The following BBS12 variants were observed in gnomAD, a reference collection of about 807,000 sequenced individuals.
BBS12 encodes the protein Bardet-Biedl syndrome 12, also known as chaperonin-containing T-complex member BBS12.
BBS12 carries 5 observed loss-of-function variants against 5.6 expected under a neutral mutation model. That is an observed-to-expected ratio of 0.89 (90% CI 0.46 to 1.86). BBS12 has a LOEUF of 1.86. Ranked by LOEUF, BBS12 falls within the 40% of genes most tolerant of loss-of-function variation. The probability of loss-of-function intolerance (pLI) is 0.01; values close to 1 mark genes in which losing one functional copy is unlikely to be tolerated. For synonymous variants in BBS12, 308 were observed against 306.8 expected (o/e 1.00, Z -0.04); for missense variants, 748 against 830.4 (o/e 0.90, Z 1.22).
the BBS12 span, among the ~76,000 whole-genome samples, chr4:122,719,254 G>GT: frequency 6.6e-6 from 1 of 152,082 alleles, no homozygotes; most frequent in Admixed American, 6.5e-5. Context: ...CTAGCTAAAG[G>GT]TTTGTAAATG....
Position 122,743,823 on chromosome 4 carries a change from ATAG to A in BBS12, c.1935_1937del (p.Ser645del), listed in dbSNP as rs758008862. 3.9e-5 allele frequency: 63 copies of A among 1,607,704 alleles called. 1 individual carries two copies. In the South Asian group the frequency reaches 6.7e-4, roughly 17 times the overall value. ...ATCTTGAATGAATATAGTAAACTAA[ATAG>A]TAGAATTTTTAATTCAGACATTTCA... On this transcript the variant is annotated inframe_deletion, in exon 2 of 2. Coordinates refer to ENST00000314218, the MANE Select transcript of BBS12 (RefSeq NM_152618.3).
chr4:122,740,884 C>G (rs551914365), intron 1 of BBS12, among the ~76,000 whole-genome samples: 25 of 152,236 alleles, frequency 1.6e-4, no homozygotes, highest in Non-Finnish European at 2.5e-4. Flanking sequence ...GAAATAGCTT[C>G]TATTATTATC....
the BBS12 span, among the ~76,000 whole-genome samples, chr4:122,704,143 C>A: frequency 2.0e-5 from 3 of 152,218 alleles, no homozygotes; most frequent in Non-Finnish European, 2.9e-5. Flanking sequence ...AGTCACCATG[C>A]CTGGCCAGGT....
intron 1 of BBS12, among the ~76,000 whole-genome samples, chr4:122,736,210 C>G (rs568478436): frequency 6.6e-6 from 1 of 152,178 alleles, no homozygotes; most frequent in East Asian, 1.9e-4. Flanking sequence ...ATGGGTAGGC[C>G]TTGCAAGATT....
the BBS12 span, among the ~76,000 whole-genome samples, chr4:122,711,047 C>A: frequency 6.6e-6 from 1 of 152,130 alleles, no homozygotes; most frequent in Admixed American, 6.6e-5. Context: ...GATTGTTTAA[C>A]TCAGTCTGAA....
the BBS12 span, among the ~76,000 whole-genome samples, chr4:122,709,679 G>C: frequency 4.7e-4 from 72 of 151,998 alleles, no homozygotes; most frequent in Non-Finnish European, 9.4e-4. Flanking sequence ...TTTTGCAACA[G>C]AGTCTTGCTC....
the BBS12 span, among the ~76,000 whole-genome samples, chr4:122,716,061 C>G: frequency 6.6e-6 from 1 of 152,114 alleles, no homozygotes; most frequent in African/African-American, 2.4e-5. Flanking sequence ...TTAGAAACCC[C>G]AAGAGATGCT....
At chr4:122,734,795 G>A (rs1800761089) in intron 1 of BBS12, among the ~76,000 whole-genome samples, 1 of 151,892 alleles carries the variant, frequency 6.6e-6, no homozygotes, top group Non-Finnish European at 1.5e-5. Context: ...TTAATTGTAG[G>A]CTCAGATTCC....
the BBS12 span, among the ~76,000 whole-genome samples, chr4:122,718,726 A>AAT: frequency 1.4e-5 from 2 of 145,698 alleles, no homozygotes; most frequent in Admixed American, 6.7e-5. Flanking sequence ...AATGAAATGA[A>AAT]ATGAAATGAA....
the BBS12 span, among the ~76,000 whole-genome samples, chr4:122,712,460 C>G: frequency 2.6e-5 from 4 of 152,320 alleles, no homozygotes; most frequent in African/African-American, 7.2e-5. Context: ...AAGCTAATTA[C>G]TATTGGCATT....
At chr4:122,716,669 ATG>A in the BBS12 span, among the ~76,000 whole-genome samples, 1,296 of 78,142 alleles carry the variant, frequency 0.017, 106 homozygotes, top group Middle Eastern at 0.034. Flanking sequence ...ACATACACAT[ATG>A]TGTATATATA....
intron 1 of BBS12, among the ~76,000 whole-genome samples, chr4:122,741,272 C>T (rs887273050): frequency 1.1e-4 from 17 of 152,146 alleles, no homozygotes; most frequent in African/African-American, 3.9e-4. Flanking sequence ...CTGCAACCTC[C>T]GCCTCCTGGG....
At chr4:122,739,613 T>G (rs1259276195) in intron 1 of BBS12, among the ~76,000 whole-genome samples, 1 of 152,224 alleles carries the variant, frequency 6.6e-6, no homozygotes, top group Admixed American at 6.5e-5. Flanking sequence ...GCACAAACCT[T>G]TGTGTGGCCA....
intron 1 of BBS12, among the ~76,000 whole-genome samples, chr4:122,738,363 A>G (rs1033590559): frequency 6.6e-6 from 1 of 152,020 alleles, no homozygotes; most frequent in African/African-American, 2.4e-5. Flanking sequence ...GGTGCCTGTC[A>G]CCATGCCCGG....
At chr4:122,716,936 TA>T in the BBS12 span, among the ~76,000 whole-genome samples, 1 of 152,208 alleles carries the variant, frequency 6.6e-6, no homozygotes, top group Non-Finnish European at 1.5e-5. Flanking sequence ...AGTCTTTCTT[TA>T]AACCCTTCAC....
At chr4:122,725,573 G>A in the BBS12 span, among the ~76,000 whole-genome samples, 4 of 152,116 alleles carry the variant, frequency 2.6e-5, no homozygotes, top group Non-Finnish European at 5.9e-5. Flanking sequence ...GTAAGAGAAT[G>A]AAACTAGATC....
the BBS12 span, among the ~76,000 whole-genome samples, chr4:122,719,664 T>C: frequency 2.0e-5 from 3 of 152,138 alleles, no homozygotes; most frequent in African/African-American, 7.2e-5. Context: ...AAGGAACCAA[T>C]TCCCGACACA....
chr4:122,743,548 T>G lies in BBS12; in HGVS notation c.1656T>G (p.Ile552Met). The change falls in exon 2 of 2, where the codon ATT (isoleucine) becomes ATG (methionine). Residue 552 changes from isoleucine (I) to methionine (M), a missense_variant. By Grantham distance (10) the Ile-to-Met change is conservative. Coordinates refer to ENST00000314218, the MANE Select transcript of BBS12 (RefSeq NM_152618.3). ...VEFLCLSCLH[I>M]LAEQSLKKEN... ...TTTTGTGTCTTAGCTGTCTTCATATTCTTGCAGAGCAATCTCTGAAAAAAG... is the reference window on the plus strand; with the variant it reads ...TTTTGTGTCTTAGCTGTCTTCATATGCTTGCAGAGCAATCTCTGAAAAAAG... 2.5e-6 allele frequency: 4 copies of G among 1,614,212 alleles called. No homozygotes were observed. Among genetic ancestry groups the G allele is most frequent in the Non-Finnish European group, 3.4e-6 (4 of 1,180,040 alleles).
chr4:122,717,719 G>C, the BBS12 span, among the ~76,000 whole-genome samples: 7 of 151,998 alleles, frequency 4.6e-5, no homozygotes, highest in Admixed American at 1.3e-4. Flanking sequence ...TGCAGAGATG[G>C]GGGTCTCACT....
Sources: allele counts gnomAD v4.1 joint callset (sites outside exome capture counted in the v4.1 genomes callset), GRCh38; gene constraint gnomAD v4.1.1; transcripts MANE v1.5; gene names NCBI Gene and HGNC (gene_info 2026-07-23, HGNC 2026-07-21).